SNRPN: variants seen among roughly 807,000 people sequenced by gnomAD.
SNRPN encodes the protein small nuclear ribonucleoprotein polypeptide N.
Under a neutral mutation model 25.2 loss-of-function variants are expected in SNRPN, and 7 were observed. The ratio of observed to expected loss-of-function variants is 0.28; its 90% CI spans 0.16 to 0.52. The LOEUF (loss-of-function observed/expected upper bound fraction) is 0.52. SNRPN is among the 20% of genes least tolerant of loss of function. The probability of loss-of-function intolerance (pLI) is 0.96; values close to 1 mark genes in which losing one functional copy is unlikely to be tolerated. For synonymous variants in SNRPN, 124 were observed against 110.6 expected, an observed-to-expected ratio of 1.12 and a Z score of -0.76; for missense variants, 196 against 322.5, an observed-to-expected ratio of 0.61 and a Z score of 3.00.
intron 2 of SNRPN, among the ~76,000 whole-genome samples, chr15:24,887,135 C>T (rs573510370): frequency 2.0e-5 from 3 of 150,914 alleles, no homozygotes; most frequent in Non-Finnish European, 4.4e-5. Flanking sequence ...CCCACGAGCA[C>T]ACACTGAGGT....
chr15:24,908,796 C>T (rs1471582499), intron 2 of SNRPN: 4 of 459,714 alleles, frequency 8.7e-6, no homozygotes, highest in African/African-American at 4.0e-5. Context: ...TAAACTTTAA[C>T]TAGGACCTAG....
intron 1 of SNRPN, among the ~76,000 whole-genome samples, chr15:24,868,545 C>T (rs1350223962): frequency 6.6e-6 from 1 of 152,166 alleles, no homozygotes; most frequent in Non-Finnish European, 1.5e-5. Flanking sequence ...GGTTGCTGCC[C>T]ACACTTACAG....
At chr15:24,945,079 T>C (rs538658432) in intron 3 of SNRPN, among the ~76,000 whole-genome samples, 11 of 152,290 alleles carry the variant, frequency 7.2e-5, no homozygotes, top group Admixed American at 3.3e-4. Flanking sequence ...TACCATGGCC[T>C]AGCCCCATTG....
At chr15:24,885,752 G>A (rs1010610830) in intron 1 of SNRPN, among the ~76,000 whole-genome samples, 2 of 150,220 alleles carry the variant, frequency 1.3e-5, no homozygotes, top group African/African-American at 4.9e-5. Flanking sequence ...GTGTGTGTGT[G>A]TATGTCTGGG....
At chr15:24,940,433 T>A (rs1031723523) in intron 3 of SNRPN, among the ~76,000 whole-genome samples, 1 of 152,192 alleles carries the variant, frequency 6.6e-6, no homozygotes. Flanking sequence ...GGATATCCAG[T>A]TTTCCCAGTA....
intron 1 of SNRPN, among the ~76,000 whole-genome samples, chr15:24,874,377 T>C (rs1013172804): frequency 3.7e-5 from 5 of 135,422 alleles, no homozygotes; most frequent in African/African-American, 1.4e-4. Flanking sequence ...CAATCTGGAG[T>C]AGGAGTGACC....
At chr15:24,966,305 A>G (rs1245302093) in intron 2 of SNRPN, among the ~76,000 whole-genome samples, 1 of 152,194 alleles carries the variant, frequency 6.6e-6, no homozygotes, top group Non-Finnish European at 1.5e-5. Flanking sequence ...AAAGGATACA[A>G]ATGAACAGAT....
chr15:24,917,413 G>A (rs2059595341), intron 2 of SNRPN, among the ~76,000 whole-genome samples: 1 of 152,182 alleles, frequency 6.6e-6, no homozygotes, highest in Non-Finnish European at 1.5e-5. Context: ...GGACTCTCCT[G>A]AAGAGGAGAA....
intron 5 of SNRPN, among the ~76,000 whole-genome samples, 178 bp from the exon 6 acceptor site, chr15:24,976,127 C>T (rs930548042): frequency 1.3e-5 from 2 of 152,210 alleles, no homozygotes; most frequent in African/African-American, 4.8e-5. Context: ...AAAATAGCTT[C>T]ACTATTTACC....
chr15:24,943,935 C>T (rs1179797851), intron 3 of SNRPN, among the ~76,000 whole-genome samples: 1 of 152,134 alleles, frequency 6.6e-6, no homozygotes, highest in Non-Finnish European at 1.5e-5. Flanking sequence ...AATTCTCATG[C>T]CTCAGCCTCC....
upstream of SNRPN, among the ~76,000 whole-genome samples, chr15:24,854,548 T>G (rs990657553): frequency 2.6e-5 from 4 of 152,364 alleles, no homozygotes; most frequent in East Asian, 7.7e-4. Context: ...TGAAGAAAGC[T>G]ACCCATCCAA....
intron 1 of SNRPN, among the ~76,000 whole-genome samples, chr15:24,828,998 C>T (rs935941726): frequency 2.0e-5 from 3 of 152,020 alleles, no homozygotes; most frequent in Admixed American, 6.6e-5. Flanking sequence ...GAAACATGTT[C>T]ATCTTCAAGT....
chr15:24,898,038 G>A (rs1297913314), intron 2 of SNRPN, among the ~76,000 whole-genome samples: 3 of 152,082 alleles, frequency 2.0e-5, no homozygotes, highest in African/African-American at 4.8e-5. Context: ...GGCACTACAA[G>A]AGCATTTTCT....
chr15:24,832,462 G>A (rs138316944), intron 2 of SNRPN, among the ~76,000 whole-genome samples: 2 of 152,094 alleles, frequency 1.3e-5, no homozygotes, highest in Non-Finnish European at 2.9e-5. Context: ...GCACTAATCA[G>A]CGCTCTGTAA....
chr15:24,954,329 T>C (rs1375093913), upstream of SNRPN, among the ~76,000 whole-genome samples: 2 of 152,218 alleles, frequency 1.3e-5, no homozygotes, highest in African/African-American at 2.4e-5. Flanking sequence ...GGTGGGGGTC[T>C]AAGTTCATAT....
In SNRPN at chr15:24,921,885, T is replaced by G. The variant is rs151261796; in HGVS notation, c.-391+1761T>G. ...TGTTCCTCTTTTCCATTTCCACCTG[T>G]TATATGTTAGTGACGATAAAAATGC... On this transcript the variant is annotated intron_variant, in intron 3 of 11. Coordinates refer to the SNRPN transcript ENST00000400097. Among the ~76,000 whole-genome samples the G allele has an allele frequency of 2.7e-3, 408 of 152,134 alleles. 5 individuals carry two copies. The highest frequency in any genetic ancestry group is 9.5e-3 in the African/African-American group (394 of 41,520).
chr15:24,848,228 CGGTGGG>C (rs1481474816), intron 2 of SNRPN: 134 of 21,400 alleles, frequency 6.3e-3, no homozygotes, highest in Admixed American at 0.012. Context: ...GCGGGGGCGG[CGGTGGG>C]GGCGGGGGCG....
chr15:24,884,004 T>TA (rs34950476), intron 1 of SNRPN, among the ~76,000 whole-genome samples: 29,850 of 126,956 alleles, frequency 0.24, 3,692 homozygotes, highest in Admixed American at 0.38. Context: ...CCACTCTGTC[T>TA]AAAAAAAAAA....
chr15:24,847,928 C>T (rs1162250060), intron 2 of SNRPN, among the ~76,000 whole-genome samples: 1 of 152,114 alleles, frequency 6.6e-6, no homozygotes, highest in East Asian at 1.9e-4. Flanking sequence ...TTTCCCTACA[C>T]ATCACTCTCC....
Sources: allele counts gnomAD v4.1 joint callset (sites outside exome capture counted in the v4.1 genomes callset), GRCh38; gene constraint gnomAD v4.1.1; transcripts MANE v1.5; gene names NCBI Gene and HGNC (gene_info 2026-07-23, HGNC 2026-07-21).